The following PDE12 variants were observed in gnomAD, a reference collection of about 807,000 sequenced individuals.
PDE12 encodes the protein phosphodiesterase 12.
PDE12 carries 26 observed loss-of-function variants against 45.4 expected under a neutral mutation model. The ratio of observed to expected loss-of-function variants is 0.57; its 90% CI spans 0.42 to 0.79. PDE12 has a LOEUF of 0.79. PDE12 is among the 30% of genes least tolerant of loss of function. The probability of loss-of-function intolerance (pLI) is 0.00; values close to 1 mark genes in which losing one functional copy is unlikely to be tolerated. For missense variants in PDE12, 668 were observed against 790.0 expected (o/e 0.85, Z 1.85); for synonymous variants, 283 against 323.9 (o/e 0.87, Z 1.36).
chr3:57,622,347 C>G, the PDE12 span, among the ~76,000 whole-genome samples: 7 of 152,202 alleles, frequency 4.6e-5, no homozygotes, highest in East Asian at 1.3e-3. Flanking sequence ...AGGTCATTAG[C>G]AAAATGTAAA....
chr3:57,612,253 A>AG, the PDE12 span, among the ~76,000 whole-genome samples: 6 of 75,698 alleles, frequency 7.9e-5, no homozygotes, highest in African/African-American at 3.2e-4. Flanking sequence ...GGGTGGGGGG[A>AG]GGGGGGAGGG....
In PDE12 at chr3:57,561,421, A is replaced by G. The variant is rs1225698440; in HGVS notation, c.*1417A>G. On this transcript the variant is annotated 3_prime_UTR_variant, in exon 3 of 3. Coordinates refer to ENST00000311180, the MANE Select transcript of PDE12 (RefSeq NM_177966.7). ...GAGTTACAGACAACAGTGTGTATAT[A>G]TGTAATATATATATAGTAAAATGAA... 1.0e-6 allele frequency: 1 copy of G among 967,542 alleles called. No homozygotes were observed. The highest frequency in any genetic ancestry group is 1.1e-4 in the East Asian group (1 of 8,748). The allele number at this position is 967,542 out of a possible 1,614,324, so 59.9% of individuals were successfully genotyped here. A position where few individuals can be genotyped will look rare whatever the true frequency, so the allele number is the denominator to read the frequency against.
the PDE12 span, among the ~76,000 whole-genome samples, chr3:57,616,250 G>C: frequency 6.6e-6 from 1 of 152,146 alleles, no homozygotes; most frequent in Admixed American, 6.6e-5. Context: ...CTTGAGCCCA[G>C]CAGAGAGAGG....
the PDE12 span, chr3:57,633,471 G>T: frequency 1.2e-6 from 1 of 819,988 alleles, no homozygotes; most frequent in Non-Finnish European, 1.9e-6. Context: ...TAAAAAACTA[G>T]AACTTCACCT....
the PDE12 span, among the ~76,000 whole-genome samples, chr3:57,581,832 AGAGAT>A: frequency 6.6e-6 from 1 of 152,206 alleles, no homozygotes; most frequent in African/African-American, 2.4e-5. Flanking sequence ...AGAGCACATT[AGAGAT>A]GAGTATGAAA....
the PDE12 span, among the ~76,000 whole-genome samples, chr3:57,621,447 A>G: frequency 6.6e-6 from 1 of 152,316 alleles, no homozygotes; most frequent in South Asian, 2.1e-4. Context: ...AGGCAGATGG[A>G]TCACTTGAGG....
At chr3:57,614,829 C>T in the PDE12 span, among the ~76,000 whole-genome samples, 4 of 151,326 alleles carry the variant, frequency 2.6e-5, no homozygotes, top group Non-Finnish European at 4.4e-5. Flanking sequence ...CCCGTCTCTA[C>T]GAAAAATACA....
the PDE12 span, among the ~76,000 whole-genome samples, chr3:57,591,113 T>C: frequency 1.3e-5 from 2 of 152,136 alleles, no homozygotes; most frequent in African/African-American, 4.8e-5. Context: ...AACCCTCATA[T>C]ATTGCTAGTG....
chr3:57,561,095 T>C lies in PDE12; in HGVS notation c.*1091T>C. 1.0e-6 allele frequency: 1 copy of C among 983,932 alleles called. No individual in the cohort carries two copies. Among genetic ancestry groups the C allele is most frequent in the African/African-American group, 1.7e-5 (1 of 57,328 alleles). 61.0% of individuals were successfully genotyped at this position (983,932 alleles called of 1,614,324 possible). ...TTTAGGATGCAAGCACAATTTAGTA[T>C]TCAAAGTGAGTAGCAACATATTCAA... On this transcript the variant is annotated 3_prime_UTR_variant, in exon 3 of 3. Coordinates refer to ENST00000311180, the MANE Select transcript of PDE12 (RefSeq NM_177966.7).
the PDE12 span, chr3:57,597,039 C>T: frequency 1.2e-4 from 199 of 1,609,226 alleles, no homozygotes; most frequent in Middle Eastern, 6.6e-4. Flanking sequence ...CCCTGCCTTT[C>T]CCAGGTCCCG....
the PDE12 span, among the ~76,000 whole-genome samples, chr3:57,578,915 T>TA: frequency 6.6e-6 from 1 of 151,092 alleles, no homozygotes; most frequent in Non-Finnish European, 1.5e-5. Flanking sequence ...ATAAAAATAA[T>TA]AAAAAAGAAA....
At chr3:57,644,008 G>T in the PDE12 span, among the ~76,000 whole-genome samples, 1 of 151,600 alleles carries the variant, frequency 6.6e-6, no homozygotes, top group Non-Finnish European at 1.5e-5. Flanking sequence ...AAATTAGCTG[G>T]GTGTGATAGT....
At position 57,561,673 on chromosome 3, in the gene PDE12, G is replaced by T. The variant is rs1457457942; in HGVS notation, c.*1669G>T. 21 of 984,834 alleles carry T rather than the reference G, an allele frequency of 2.1e-5. No homozygotes were observed. Among genetic ancestry groups the T allele is most frequent in the Non-Finnish European group, 2.4e-5 (20 of 829,588 alleles). 61.0% of individuals were successfully genotyped at this position (984,834 alleles called of 1,614,324 possible). A position where few individuals can be genotyped will look rare whatever the true frequency, so the allele number is the denominator to read the frequency against. On this transcript the variant is annotated 3_prime_UTR_variant, in exon 3 of 3. Coordinates refer to ENST00000311180, the MANE Select transcript of PDE12 (RefSeq NM_177966.7). ...AGTATTAAAAGCCCACTCCCTTCAA[G>T]AAAAGCTTTGATTTTCCCCAGTCAT...
the PDE12 span, among the ~76,000 whole-genome samples, chr3:57,644,902 A>G: frequency 6.6e-6 from 1 of 151,480 alleles, no homozygotes; most frequent in Non-Finnish European, 1.5e-5. Context: ...ATGATCTGGC[A>G]AGAACAAATT....
the PDE12 span, chr3:57,584,370 G>A: frequency 6.3e-7 from 1 of 1,581,390 alleles, no homozygotes; most frequent in East Asian, 2.2e-5. Flanking sequence ...AAAGTCATCT[G>A]TAAACTTTCT....
rs544821195 is a variant in PDE12 at position 57,560,114 on chromosome 3, C to G, written c.*110C>G. The G allele has an allele frequency of 5.0e-5, 73 of 1,464,806 alleles. No individual in the cohort carries two copies. The highest frequency in any genetic ancestry group is 5.0e-4 in the Admixed American group (19 of 38,218). 90.7% of individuals were successfully genotyped at this position (1,464,806 alleles called of 1,614,324 possible). On this transcript the variant is annotated 3_prime_UTR_variant, in exon 3 of 3. Transcript: ENST00000311180. Reference sequence around the variant, plus strand: ...CTTCAAGGAGGAATGGTAAAATGTTCAGCCCTCCTAGTTATGTTCCTGATG... The same window carrying G: ...CTTCAAGGAGGAATGGTAAAATGTTGAGCCCTCCTAGTTATGTTCCTGATG...
the PDE12 span, chr3:57,596,965 C>A: frequency 8.1e-7 from 1 of 1,232,620 alleles, no homozygotes; most frequent in Admixed American, 2.2e-5. Context: ...CGACCCGGCG[C>A]CCCTCCCCCA....
At chr3:57,644,184 A>G in the PDE12 span, among the ~76,000 whole-genome samples, 1 of 151,988 alleles carries the variant, frequency 6.6e-6, no homozygotes, top group Non-Finnish European at 1.5e-5. Flanking sequence ...GTCTGAAATC[A>G]GAACTCAGAA....
At chr3:57,649,454 T>G in the PDE12 span, among the ~76,000 whole-genome samples, 3 of 150,922 alleles carry the variant, frequency 2.0e-5, no homozygotes, top group Admixed American at 2.0e-4. Flanking sequence ...AGAGATTCCT[T>G]AAAGAACTAA....
Sources: gnomAD v4.1 joint callset for allele counts (sites outside exome capture counted in the v4.1 genomes callset) on GRCh38, gnomAD v4.1.1 for gene constraint, MANE v1.5 for transcripts, NCBI Gene and HGNC (gene_info 2026-07-23, HGNC 2026-07-21) for gene names.